The following SBF1 variants were observed in gnomAD, a reference collection of about 807,000 sequenced individuals.
SBF1 encodes SET binding factor 1.
Under a neutral mutation model 215.8 loss-of-function variants are expected in SBF1, and 65 were observed. The ratio of observed to expected loss-of-function variants is 0.30; its 90% CI spans 0.25 to 0.37. The LOEUF (loss-of-function observed/expected upper bound fraction) is 0.37. SBF1 is among the 10% of genes least tolerant of loss of function. SBF1 has a pLI of 1.00. For missense variants in SBF1, 2,634 were observed against 2,667.8 expected, an observed-to-expected ratio of 0.99 and a Z score of 0.28; for synonymous variants, 1,410 against 1,122.8, an observed-to-expected ratio of 1.26 and a Z score of -5.11.
intron 1 of SBF1, among the ~76,000 whole-genome samples, chr22:50,473,335 C>T (rs1443581955): frequency 6.6e-6 from 1 of 152,188 alleles, no homozygotes; most frequent in African/African-American, 2.4e-5. Flanking sequence ...GCACCCTCTG[C>T]CCCAGGTGGT....
chr22:50,464,598 C>A lies in SBF1; in HGVS notation c.1572G>T (p.Met524Ile). Residue 524 changes from methionine (M) to isoleucine (I), a missense_variant, in exon 14 of 41, where the codon ATG (methionine) becomes ATT (isoleucine). Transcript: ENST00000380817. ...CCTTCACAGCTGGGGGTGCACCCTG[C>A]ATCTTGGCTGCAGCCTGGTCCACGA... ...QWIVDQAAAK[M>I]QGAPPAVKAE... is the part of the protein sequence containing the mutation. The A allele has an allele frequency of 6.2e-7, 1 of 1,611,872 alleles. No individual in the cohort carries two copies. Among genetic ancestry groups the A allele is most frequent in the South Asian group, 1.1e-5 (1 of 90,960 alleles).
intron 36 of SBF1, among the ~76,000 whole-genome samples, chr22:50,450,617 G>A (rs890799685): frequency 1.1e-4 from 16 of 152,116 alleles, no homozygotes; most frequent in East Asian, 3.9e-4. Flanking sequence ...AGACCTTACC[G>A]AAGACACAAA....
At chr22:50,458,085 G>A (rs1603431708) in intron 28 of SBF1, among the ~76,000 whole-genome samples, 2 of 152,170 alleles carry the variant, frequency 1.3e-5, no homozygotes, top group South Asian at 4.1e-4. Context: ...GGATCACCAG[G>A]TCAGGAGATC....
rs778084485 is a variant in SBF1, at chr22:50,456,203, G to T, written c.4266+13C>A. The T allele has an allele frequency of 6.2e-7, 1 of 1,610,568 alleles. No homozygotes were observed. The highest frequency in any genetic ancestry group is 8.5e-7 in the Non-Finnish European group (1 of 1,179,320). ...GCACCAAGGCGGGCAGAGGGACGGG[G>T]CAGTGCAGAGACCTGGATCAGCCAC... On this transcript the variant is annotated intron_variant, in intron 31 of 40. Transcript: ENST00000380817.
intron 1 of SBF1, among the ~76,000 whole-genome samples, chr22:50,474,394 C>T (rs2068099815): frequency 6.6e-6 from 1 of 152,242 alleles, no homozygotes; most frequent in Non-Finnish European, 1.5e-5. Flanking sequence ...GAGCCACAGC[C>T]GCCCGCAGCT....
At chr22:50,448,513 C>G in intron 37 of SBF1, 30 bp downstream of exon 37, 1 of 1,609,850 alleles carries the variant, frequency 6.2e-7, no homozygotes, top group South Asian at 1.1e-5. Context: ...AACACGCCCA[C>G]CGTGGACGCT....
chr22:50,472,447 T>G (rs1018431874), intron 1 of SBF1, among the ~76,000 whole-genome samples: 3 of 152,010 alleles, frequency 2.0e-5, no homozygotes, highest in Non-Finnish European at 4.4e-5. Flanking sequence ...ACAGAGAGGA[T>G]CCTCTACCCA....
Position 50,454,838 on chromosome 22 carries a change from G to T in SBF1, c.4788C>A (p.Tyr1596Ter). 6.2e-7 allele frequency: 1 copy of T among 1,614,062 alleles called. No homozygotes were observed. Among genetic ancestry groups the T allele is most frequent in the South Asian group, 1.1e-5 (1 of 91,090 alleles). Residue 1596 changes from tyrosine (Y) to a stop codon, truncating the protein, a stop_gained, in exon 35 of 41, where the codon TAC becomes TAA. Coordinates refer to ENST00000380817, the MANE Select transcript of SBF1 (RefSeq NM_002972.4). LOFTEE classifies it high-confidence loss of function. ...LSKRTPVFHN[Y>*]MYAPEDAEVL... ...CCTCTGCGTCCTCGGGCGCATACAT[G>T]TAATTGTGGAACACAGGCGTCCTCT...
chr22:50,466,218 C>T lies in SBF1; in HGVS notation c.829G>A (p.Val277Ile). 1 of 1,613,460 alleles carries T rather than the reference C, an allele frequency of 6.2e-7. No homozygotes were observed. Among genetic ancestry groups the T allele is most frequent in the Non-Finnish European group, 8.5e-7 (1 of 1,180,038 alleles). Reference protein sequence around the residue: ...VPILPAQLLEVLSTPTPFIIG... With the variant: ...VPILPAQLLEILSTPTPFIIG... The stretch of plus-strand genomic sequence containing the variant: ...ATGAAGGGCGTGGGTGTGCTGAGGA[C>T]CTCCAGCAGCTGAGCCGGCAGGATG... Residue 277 changes from valine (V) to isoleucine (I), a missense_variant, in exon 8 of 41, where the codon GTC (valine) becomes ATC (isoleucine). Val to Ile is a conservative substitution (Grantham distance 29). Coordinates refer to ENST00000380817, the MANE Select transcript of SBF1 (RefSeq NM_002972.4).
At chr22:50,473,907 C>A (rs2068080723) in intron 1 of SBF1, among the ~76,000 whole-genome samples, 1 of 152,254 alleles carries the variant, frequency 6.6e-6, no homozygotes, top group Non-Finnish European at 1.5e-5. Context: ...GGGGGCAACA[C>A]CAGGGCAACC....
At chr22:50,469,886 C>T (rs1425404972) in intron 1 of SBF1, among the ~76,000 whole-genome samples, 1 of 152,194 alleles carries the variant, frequency 6.6e-6, no homozygotes, top group African/African-American at 2.4e-5. Context: ...TCCAGGGTTA[C>T]AGGGGCAGAG....
At chr22:50,448,895 C>T (rs1218032087) in intron 36 of SBF1, among the ~76,000 whole-genome samples, 1 of 152,030 alleles carries the variant, frequency 6.6e-6, no homozygotes, top group African/African-American at 2.4e-5. Context: ...CACTACAGAC[C>T]CCAACAGGGT....
At chr22:50,472,393 C>G (rs1250773535) in intron 1 of SBF1, among the ~76,000 whole-genome samples, 1 of 152,194 alleles carries the variant, frequency 6.6e-6, no homozygotes, top group Non-Finnish European at 1.5e-5. Context: ...TAATCCCCAA[C>G]CCAAGAGACC....
intron 28 of SBF1, among the ~76,000 whole-genome samples, chr22:50,457,777 G>A (rs1255836517): frequency 2.6e-5 from 4 of 152,228 alleles, no homozygotes; most frequent in Non-Finnish European, 2.9e-5. Context: ...GAGGGTCTCT[G>A]GGCGCCTGGC....
rs371710337 is a variant in SBF1 at position 50,456,984 on chromosome 22, C to T, written c.3904+50G>A. The T allele has an allele frequency of 8.1e-5, 109 of 1,348,522 alleles. No homozygotes were observed. In the African/African-American group the frequency reaches 1.3e-3, roughly 16 times the overall value. The allele number at this position is 1,348,522 out of a possible 1,614,324, so 83.5% of individuals were successfully genotyped here. ...CAATAACTCAGTGCACACTAGAGGCCGCCAGCACCAAGTAAGGGGAGGCGG... is the reference window on the plus strand; with the variant it reads ...CAATAACTCAGTGCACACTAGAGGCTGCCAGCACCAAGTAAGGGGAGGCGG... On this transcript the variant is annotated intron_variant, in intron 29 of 40. Transcript: ENST00000380817.
chr22:50,459,321 G>A lies in SBF1; in HGVS notation c.3760C>T (p.Arg1254Cys), dbSNP rs200180227. Residue 1254 changes from arginine (R) to cysteine (C), a missense_variant, in exon 28 of 41, where the codon CGC becomes TGC. Coordinates refer to ENST00000380817, the MANE Select transcript of SBF1 (RefSeq NM_002972.4). ...TTGCGTCCCGACGCGTCGGCGTAGC[G>A]GGGCATGGAGCTGACCACAGCCTGC... ...YLQAVVSSMP[R>C]YADASGRNTL... The A allele has an allele frequency of 6.3e-4, 1,018 of 1,612,576 alleles. 8 individuals carry two copies. Among genetic ancestry groups the A allele is most frequent in the Non-Finnish European group, 1.3e-4 (156 of 1,179,518 alleles).
In SBF1 at chr22:50,462,904, G is replaced by A. The variant is rs745364202; in HGVS notation, c.1934C>T (p.Ala645Val). The A allele has an allele frequency of 5.0e-6, 8 of 1,613,086 alleles. No homozygotes were observed. Among genetic ancestry groups the A allele is most frequent in the East Asian group, 4.5e-5 (2 of 44,882 alleles). The change falls in exon 17 of 41, where the codon GCG becomes GTG. Residue 645 changes from alanine to valine, a missense_variant. Physicochemically the swap from Ala to Val is moderately conservative, Grantham distance 64 (BLOSUM62 0). Coordinates refer to ENST00000380817, the MANE Select transcript of SBF1 (RefSeq NM_002972.4). Reference sequence around the variant, plus strand: ...GGCTGTGACCAGAGGCAGCAGAGCCGCCGCAATGCCATGCTCGTCCAGAGA... The same window carrying A: ...GGCTGTGACCAGAGGCAGCAGAGCCACCGCAATGCCATGCTCGTCCAGAGA... ...CTSLDEHGIA[A>V]ALLPLVTAFC...
rs144172314 is a variant in SBF1 at position 50,445,916 on chromosome 22, C to CCCACCTGAGAGGA, written c.*1213_*1225dup. On this transcript the variant is annotated 3_prime_UTR_variant, in exon 41 of 41. Transcript: ENST00000380817. ...CCTCACCCACACCTGCTGCTCGCCT[C>CCCACCTGAGAGGA]CCACCTGAGAGGACCACCTGAGGGA... 6.5e-6 allele frequency: 1 copy of CCCACCTGAGAGGA among 153,814 alleles called. No individual in the cohort carries two copies. Among genetic ancestry groups the CCCACCTGAGAGGA allele is most frequent in the Non-Finnish European group, 1.4e-5 (1 of 69,482 alleles). 9.5% of individuals were successfully genotyped at this position (153,814 alleles called of 1,614,324 possible).
chr22:50,451,795 CTT>C (rs869258302), intron 36 of SBF1, among the ~76,000 whole-genome samples: 43 of 139,540 alleles, frequency 3.1e-4, no homozygotes, highest in Middle Eastern at 3.7e-3. Flanking sequence ...AAAGTAATAT[CTT>C]TTTTTTTTTT....
Sources: allele counts gnomAD v4.1 joint callset (sites outside exome capture counted in the v4.1 genomes callset), GRCh38; gene constraint gnomAD v4.1.1; transcripts MANE v1.5; gene names NCBI Gene and HGNC (gene_info 2026-07-23, HGNC 2026-07-21).